Variants in GRIN2B observed in about 807,000 individuals in gnomAD.
GRIN2B encodes the protein glutamate receptor ionotropic, NMDA 2B.
A neutral mutation model predicts 114.5 loss-of-function variants in GRIN2B; 5 were observed. The observed-to-expected ratio is 0.04, with a 90% CI of 0.02 to 0.09. The LOEUF (loss-of-function observed/expected upper bound fraction) is 0.09. GRIN2B is among the 10% of genes least tolerant of loss of function. The probability of loss-of-function intolerance (pLI) is 1.00; values close to 1 mark genes in which losing one functional copy is unlikely to be tolerated. For synonymous variants in GRIN2B, 787 were observed against 745.1 expected (o/e 1.06, Z -0.92); for missense variants, 1,108 against 1,943.5 (o/e 0.57, Z 8.08).
At chr12:13,799,237 G>A (rs1257143510) in intron 3 of GRIN2B, among the ~76,000 whole-genome samples, 4 of 152,128 alleles carry the variant, frequency 2.6e-5, no homozygotes, top group African/African-American at 7.2e-5. Context: ...TCCCCCTGCA[G>A]GTCCCCACAC....
At chr12:13,726,842 A>G (rs775286552) in intron 4 of GRIN2B, among the ~76,000 whole-genome samples, 1 of 151,952 alleles carries the variant, frequency 6.6e-6, no homozygotes, top group Non-Finnish European at 1.5e-5. Context: ...CAAGTCCACA[A>G]AAGTCCATTG....
chr12:13,765,687 C>T (rs912049258), intron 3 of GRIN2B, among the ~76,000 whole-genome samples: 1 of 152,202 alleles, frequency 6.6e-6, no homozygotes, highest in African/African-American at 2.4e-5. Flanking sequence ...CCATGCTGTC[C>T]ATGCAGTATG....
intron 5 of GRIN2B, among the ~76,000 whole-genome samples, chr12:13,636,267 G>A (rs2193156): frequency 6.6e-6 from 1 of 152,128 alleles, no homozygotes; most frequent in Non-Finnish European, 1.5e-5. Context: ...GAGAACCTTG[G>A]GGGAACCAAG....
chr12:13,847,057 A>G (rs915209099), intron 3 of GRIN2B, among the ~76,000 whole-genome samples: 1 of 152,146 alleles, frequency 6.6e-6, no homozygotes, highest in Non-Finnish European at 1.5e-5. Flanking sequence ...TAAGCAGGCT[A>G]AGAACATAGA....
At chr12:13,669,739 A>C (rs2268103) in intron 5 of GRIN2B, among the ~76,000 whole-genome samples, 12,054 of 152,180 alleles carry the variant, frequency 0.079, 762 homozygotes, top group East Asian at 0.29. Flanking sequence ...GAGTGAGTGA[A>C]TATGTATGAG....
chr12:13,919,754 G>T (rs1866792803), intron 2 of GRIN2B, among the ~76,000 whole-genome samples: 1 of 152,072 alleles, frequency 6.6e-6, no homozygotes, highest in Non-Finnish European at 1.5e-5. Context: ...CTGATGCGGG[G>T]ATCGTCTCCC....
At chr12:13,765,215 C>G (rs1443114112) in intron 3 of GRIN2B, among the ~76,000 whole-genome samples, 2 of 152,220 alleles carry the variant, frequency 1.3e-5, no homozygotes, top group Non-Finnish European at 2.9e-5. Flanking sequence ...AGCCCAAGAT[C>G]TCAAAGAACA....
chr12:13,713,288 T>C (rs1425012319), intron 4 of GRIN2B, among the ~76,000 whole-genome samples: 3 of 151,870 alleles, frequency 2.0e-5, no homozygotes, highest in African/African-American at 7.2e-5. Context: ...CAGACACTGA[T>C]GATGTCATTC....
chr12:13,820,284 C>T (rs1373889300), intron 3 of GRIN2B, among the ~76,000 whole-genome samples: 2 of 152,130 alleles, frequency 1.3e-5, no homozygotes, highest in Admixed American at 6.6e-5. Flanking sequence ...GGACACAACC[C>T]TATATATTTG....
chr12:13,665,954 C>T (rs970518449), intron 5 of GRIN2B, among the ~76,000 whole-genome samples: 40 of 152,128 alleles, frequency 2.6e-4, no homozygotes, highest in African/African-American at 9.7e-4. Context: ...CAGCAAACTT[C>T]CTTTCCTATG....
chr12:13,628,649 A>G (rs1262890968), intron 5 of GRIN2B, among the ~76,000 whole-genome samples: 1 of 152,232 alleles, frequency 6.6e-6, no homozygotes, highest in Non-Finnish European at 1.5e-5. Flanking sequence ...GCTGGACTAG[A>G]GCAGGACATC....
At chr12:13,889,867 A>C (rs770216519) in intron 2 of GRIN2B, among the ~76,000 whole-genome samples, 1 of 152,194 alleles carries the variant, frequency 6.6e-6, no homozygotes, top group African/African-American at 2.4e-5. Context: ...AGATACAGAG[A>C]TGTACAATCA....
At chr12:13,636,700 C>A (rs971221265) in intron 5 of GRIN2B, among the ~76,000 whole-genome samples, 36 of 152,136 alleles carry the variant, frequency 2.4e-4, no homozygotes, top group African/African-American at 8.7e-4. Context: ...TGAGACAGAT[C>A]CTGGGCAGAA....
At position 13,929,118 on chromosome 12, in the gene GRIN2B, T is replaced by C. The variant is rs567723033; in HGVS notation, c.-19+50810A>G. Among the ~76,000 whole-genome samples, 6 of 152,346 alleles carry C rather than the reference T, an allele frequency of 3.9e-5. No individual in the cohort carries two copies. The East Asian group carries it at 9.6e-4, about 24-fold the overall frequency. ...GAATTCAGTGTGTCTAGCACATAAG[T>C]CTTGCTTTTATAGATACTTAAATAA... On this transcript the variant is annotated intron_variant, in intron 2 of 13. Coordinates refer to ENST00000609686, the MANE Select transcript of GRIN2B (RefSeq NM_000834.5).
chr12:13,924,935 G>A (rs181641733), intron 2 of GRIN2B, among the ~76,000 whole-genome samples: 3 of 152,218 alleles, frequency 2.0e-5, no homozygotes, highest in Non-Finnish European at 4.4e-5. Flanking sequence ...CCCAGTCACA[G>A]ACATGGACAA....
At chr12:13,959,886 G>A (rs773078599) in intron 2 of GRIN2B, among the ~76,000 whole-genome samples, 1 of 150,684 alleles carries the variant, frequency 6.6e-6, no homozygotes, top group Non-Finnish European at 1.5e-5. Context: ...GTAGATTGCA[G>A]AATGATCAAA....
chr12:13,962,154 G>A (rs556898991), intron 2 of GRIN2B, among the ~76,000 whole-genome samples: 5 of 146,274 alleles, frequency 3.4e-5, no homozygotes, highest in East Asian at 1.9e-4. Context: ...CACAGTGAGC[G>A]GCAGGGAGCA....
In GRIN2B at chr12:13,720,331, AC is replaced by A. The variant is rs1250159480; in HGVS notation, c.1010+32985del. Among the ~76,000 whole-genome samples, 4 of 152,090 alleles carry A rather than the reference AC, an allele frequency of 2.6e-5. No homozygotes were observed. The East Asian group carries it at 7.8e-4, about 30-fold the overall frequency. ...TCTAGCATTGTGTCAGACTGTCTAC[AC>A]TGGTGCACAGGACTTACTATGATGG... is the stretch of plus-strand genomic sequence containing the variant. On this transcript the variant is annotated intron_variant, in intron 4 of 13. Coordinates refer to ENST00000609686, the MANE Select transcript of GRIN2B (RefSeq NM_000834.5).
At chr12:13,970,473 G>T (rs538834957) in intron 2 of GRIN2B, among the ~76,000 whole-genome samples, 2 of 152,108 alleles carry the variant, frequency 1.3e-5, no homozygotes, top group African/African-American at 2.4e-5. Flanking sequence ...TATCTTCAAT[G>T]CACGTTCATT....
Sources: gnomAD v4.1 joint callset for allele counts (sites outside exome capture counted in the v4.1 genomes callset) on GRCh38, gnomAD v4.1.1 for gene constraint, MANE v1.5 for transcripts, NCBI Gene and HGNC (gene_info 2026-07-23, HGNC 2026-07-21) for gene names.